The following KRT86 variants were observed in gnomAD, a reference collection of about 807,000 sequenced individuals.
KRT86 encodes the protein keratin, type II cuticular Hb6.
A neutral mutation model predicts 41.2 loss-of-function variants in KRT86; 30 were observed. The ratio of observed to expected loss-of-function variants is 0.73; its 90% CI spans 0.54 to 0.99. KRT86 has a LOEUF of 0.99. Among genes scored for constraint, KRT86 ranks in the 50% least tolerant of loss-of-function variants. KRT86 has a pLI of 0.00. For missense variants in KRT86, 561 were observed against 571.4 expected, an observed-to-expected ratio of 0.98 and a Z score of 0.19; for synonymous variants, 238 against 238.1, an observed-to-expected ratio of 1.00 and a Z score of 0.00.
At chr12:52,287,486 G>A (rs1339762700) in intron 2 of KRT86, 1 of 1,602,200 alleles carries the variant, frequency 6.2e-7, no homozygotes, top group Non-Finnish European at 8.5e-7. Context: ...GACTCTACAT[G>A]GACAAAGGGG....
Position 52,305,366 on chromosome 12 carries a change from C to G in KRT86, c.862C>G (p.Arg288Gly), listed in dbSNP as rs199724105. 9.9e-6 allele frequency: 16 copies of G among 1,614,230 alleles called. No homozygotes were observed. In the African/African-American group the frequency reaches 1.7e-4, roughly 17 times the overall value. The change falls in exon 7 of 11, where the codon CGT (arginine) becomes GGT (glycine). Residue 288 changes from arginine (R) to glycine (G), a missense_variant. Coordinates refer to ENST00000423955, the MANE Select transcript of KRT86 (RefSeq NM_001320198.2). ...GGCACAGTACGATGACATTGTCACC[C>G]GTAGCCGGGCTGAGGCCGAGTCCTG... ...IKAQYDDIVT[R>G]SRAEAESWYR... is the part of the protein sequence containing the mutation.
intron 3 of KRT86, among the ~76,000 whole-genome samples, chr12:52,302,850 G>GA (rs1938416805): frequency 6.9e-6 from 1 of 144,548 alleles, no homozygotes; most frequent in Non-Finnish European, 1.5e-5. Context: ...GTGGGGGGGG[G>GA]GTCACTCAAC....
intron 2 of KRT86, among the ~76,000 whole-genome samples, chr12:52,295,637 A>C (rs769781144): frequency 1.1e-4 from 17 of 152,378 alleles, no homozygotes; most frequent in Admixed American, 2.0e-4. Flanking sequence ...AGAGAAAAGC[A>C]GAGACACATA....
intron 2 of KRT86, chr12:52,287,280 C>T (rs756583094): frequency 1.9e-6 from 3 of 1,614,084 alleles, no homozygotes; most frequent in Non-Finnish European, 1.7e-6. Flanking sequence ...GCCGCCTCAC[C>T]CTGCTGCTCA....
At chr12:52,308,362 G>A (rs1290661575) in intron 10 of KRT86, 42 bp from the exon 11 acceptor site, 2 of 1,611,466 alleles carry the variant, frequency 1.2e-6, no homozygotes, top group African/African-American at 1.3e-5. Context: ...CACCCAGGTC[G>A]CGGCTGCGCC....
In KRT86 at chr12:52,301,841, C is replaced by T. The variant is rs557672714; in HGVS notation, c.-4-72C>T. ...CCTACAGAGGTGCAAGTAGTGAACG[C>T]CTGACGCCCCGACCACTGTGCTCTC... On this transcript the variant is annotated intron_variant, in intron 2 of 10. Coordinates refer to ENST00000423955, the MANE Select transcript of KRT86 (RefSeq NM_001320198.2). 163 of 1,613,290 alleles carry T rather than the reference C, an allele frequency of 1.0e-4. No individual in the cohort carries two copies. In the East Asian group the frequency reaches 3.6e-3, roughly 36 times the overall value.
At position 52,304,444 on chromosome 12, in the gene KRT86, T is replaced by G. The variant is rs368847273; in HGVS notation, c.639+273T>G. 0.68 allele frequency among the ~76,000 whole-genome samples: 94,517 copies of G among 138,876 alleles called. 31,815 individuals carry two copies. The highest frequency in any genetic ancestry group is 0.8 in the African/African-American group (27,785 of 34,928). 91.1% of individuals were successfully genotyped at this position (138,876 alleles called of 152,430 possible). A position where few individuals can be genotyped will look rare whatever the true frequency, so the allele number is the denominator to read the frequency against. On this transcript the variant is annotated intron_variant, in intron 5 of 10. Coordinates refer to ENST00000423955, the MANE Select transcript of KRT86 (RefSeq NM_001320198.2). Reference sequence around the variant, plus strand: ...CTCTGTTCCAGAGGTTGTGGTCTATTGCTGAGGCCCCTGGAGCCATAGCAG... The same window carrying G: ...CTCTGTTCCAGAGGTTGTGGTCTATGGCTGAGGCCCCTGGAGCCATAGCAG...
chr12:52,277,436 T>G (rs1937658782), intron 2 of KRT86: 1 of 152,144 alleles, frequency 6.6e-6, no homozygotes, highest in African/African-American at 2.4e-5. Context: ...CAGAGCAAGG[T>G]CTGGATCCTT....
At chr12:52,282,234 C>G (rs994382256) in intron 2 of KRT86, among the ~76,000 whole-genome samples, 3 of 122,888 alleles carry the variant, frequency 2.4e-5, no homozygotes, top group Non-Finnish European at 3.8e-5. Context: ...CCCCCTGAAA[C>G]AATTTTTTTT....
chr12:52,306,889 T>C (rs550913101), intron 9 of KRT86: 2 of 160,212 alleles, frequency 1.2e-5, no homozygotes, highest in East Asian at 3.6e-4. Flanking sequence ...AGAAGACCCA[T>C]TGGTCACTCA....
intron 2 of KRT86, chr12:52,286,340 C>A (rs1455334918): frequency 6.4e-7 from 1 of 1,555,154 alleles, no homozygotes; most frequent in Non-Finnish European, 8.7e-7. Context: ...ACCCCCTCCG[C>A]AGGTGGTGTT....
intron 2 of KRT86, chr12:52,286,935 G>A: frequency 6.5e-7 from 1 of 1,530,540 alleles, no homozygotes; most frequent in Non-Finnish European, 9.0e-7. Context: ...AGAGTCTGAG[G>A]GAACAGCTTG....
At chr12:52,305,218 T>A in intron 6 of KRT86, 22 bp from the exon 7 acceptor site, 1 of 1,614,130 alleles carries the variant, frequency 6.2e-7, no homozygotes, top group East Asian at 2.2e-5. Context: ...TCAACTAAAG[T>A]CACTGCCCTC....
In KRT86 at chr12:52,288,300, C is replaced by A. The variant is rs1273406820; in HGVS notation, c.-5+12354C>A. The A allele has an allele frequency of 3.7e-5, 60 of 1,610,438 alleles. No homozygotes were observed. The South Asian group carries it at 6.5e-4, about 17-fold the overall frequency. ...CTCTACCCACATCCTGTCCAACACT[C>A]CCACCCCCAACTCTCCTCTCTGCTG... On this transcript the variant is annotated intron_variant, in intron 2 of 10. Transcript: ENST00000423955.
intron 2 of KRT86, among the ~76,000 whole-genome samples, chr12:52,278,518 AG>A (rs1480124584): frequency 6.9e-6 from 1 of 144,792 alleles, no homozygotes; most frequent in Non-Finnish European, 1.5e-5. Context: ...TTAAGGCAGG[AG>A]TGATCAGAGA....
At chr12:52,283,017 A>G (rs1937811730) in intron 2 of KRT86, among the ~76,000 whole-genome samples, 1 of 152,180 alleles carries the variant, frequency 6.6e-6, no homozygotes, top group African/African-American at 2.4e-5. Flanking sequence ...ATATACAAAC[A>G]ACATGCGCAT....
intron 2 of KRT86, among the ~76,000 whole-genome samples, chr12:52,281,101 C>T (rs527638874): frequency 1.3e-5 from 2 of 152,312 alleles, no homozygotes; most frequent in East Asian, 1.9e-4. Flanking sequence ...CTGAGAGGCT[C>T]CCCTGGCCAT....
At position 52,308,751 on chromosome 12, in the gene KRT86, A is replaced by T; in HGVS notation, c.*166A>T. ...CGCTCCGGGAGCCATCCCCGGTCGC[A>T]GGAGTCCGGGGAGGGCCGGGAGGCG... is the stretch of plus-strand genomic sequence containing the variant. On this transcript the variant is annotated 3_prime_UTR_variant, in exon 11 of 11. Transcript: ENST00000423955. 1.5e-6 allele frequency: 1 copy of T among 659,714 alleles called. No individual in the cohort carries two copies. Among genetic ancestry groups the T allele is most frequent in the Admixed American group, 2.8e-5 (1 of 35,780 alleles). The allele number at this position is 659,714 out of a possible 1,614,324, so 40.9% of individuals were successfully genotyped here.
At chr12:52,277,024 G>T (rs1937648519) in intron 2 of KRT86, among the ~76,000 whole-genome samples, 1 of 152,120 alleles carries the variant, frequency 6.6e-6, no homozygotes, top group African/African-American at 2.4e-5. Context: ...CATGGTCAGG[G>T]TCCCACCAGC....
Sources: gnomAD v4.1 joint callset for allele counts (sites outside exome capture counted in the v4.1 genomes callset) on GRCh38, gnomAD v4.1.1 for gene constraint, MANE v1.5 for transcripts, NCBI Gene and HGNC (gene_info 2026-07-23, HGNC 2026-07-21) for gene names.